ATXN10: variants seen among roughly 807,000 people sequenced by gnomAD.
ATXN10 encodes ataxin-10.
Under a neutral mutation model 52.9 loss-of-function variants are expected in ATXN10, and 28 were observed. The observed-to-expected ratio is 0.53, with a 90% CI of 0.39 to 0.73. The LOEUF is 0.73. ATXN10 is among the 30% of genes least tolerant of loss of function. The probability of loss-of-function intolerance (pLI) is 0.00; values close to 1 mark genes in which losing one functional copy is unlikely to be tolerated. For synonymous variants in ATXN10, 226 were observed against 221.5 expected (o/e 1.02, Z -0.18); for missense variants, 565 against 577.0 (o/e 0.98, Z 0.21).
rs533301284 is a variant in ATXN10, at chr22:45,835,281, T to G, written c.1238-7710T>G. 6.6e-6 allele frequency among the ~76,000 whole-genome samples: 1 copy of G among 152,286 alleles called. No individual in the cohort carries two copies. Among genetic ancestry groups the G allele is most frequent in the South Asian group, 2.1e-4 (1 of 4,824 alleles). ...TCCTGCTTTGCCTGGCGCGGGCGCT[T>G]GAGCTTTCACATCTGGGACTGGTGA... is the stretch of plus-strand genomic sequence containing the variant. On this transcript the variant is annotated intron_variant, in intron 10 of 11. Coordinates refer to ENST00000252934, the MANE Select transcript of ATXN10 (RefSeq NM_013236.4). The surrounding 1 kb of genome is among the most constrained non-coding windows in gnomAD (Gnocchi z 5.0).
intron 6 of ATXN10, among the ~76,000 whole-genome samples, chr22:45,721,322 G>A (rs6007146): frequency 0.024 from 3,707 of 152,196 alleles, 138 homozygotes; most frequent in African/African-American, 0.085. Flanking sequence ...TCTGTGTACG[G>A]CATAGTAGTT....
In ATXN10 at chr22:45,820,751, C is replaced by T. The variant is rs966027509; in HGVS notation, c.1237+13729C>T. Among the ~76,000 whole-genome samples the T allele has an allele frequency of 6.6e-6, 1 of 152,162 alleles. No individual in the cohort carries two copies. Among genetic ancestry groups the T allele is most frequent in the Non-Finnish European group, 1.5e-5 (1 of 68,030 alleles). On this transcript the variant is annotated intron_variant, in intron 10 of 11. Transcript: ENST00000252934. This position sits in a 1 kb window ranked among gnomAD's most constrained non-coding sequence, Gnocchi z 4.9. Reference sequence around the variant, plus strand: ...CATTGCCAGGGTGGTTTGCTTACCCCGGCCATCCCAACAATGGTGGTTGGT... The same window carrying T: ...CATTGCCAGGGTGGTTTGCTTACCCTGGCCATCCCAACAATGGTGGTTGGT...
Position 45,772,503 on chromosome 22 carries a change from T to C in ATXN10, c.1173+31965T>C, listed in dbSNP as rs1490008947. 6.6e-6 allele frequency among the ~76,000 whole-genome samples: 1 copy of C among 152,252 alleles called. No individual in the cohort carries two copies. The highest frequency in any genetic ancestry group is 1.5e-5 in the Non-Finnish European group (1 of 68,052). ...ATTTACAGTAAATCTTAAAATTGGG[T>C]AGTGTGATTCATCCAACTTTATTTT... is the stretch of plus-strand genomic sequence containing the variant. On this transcript the variant is annotated intron_variant, in intron 9 of 11. Transcript: ENST00000252934. The surrounding 1 kb of genome is among the most constrained non-coding windows in gnomAD (Gnocchi z 4.1).
chr22:45,724,423 A>G (rs1055069609), intron 6 of ATXN10, among the ~76,000 whole-genome samples: 1 of 152,124 alleles, frequency 6.6e-6, no homozygotes, highest in Admixed American at 6.5e-5. Flanking sequence ...ATGACTAGTG[A>G]TGGTGAGCAT....
chr22:45,694,955 AAAAAAAAAAAAC>A (rs1569025841), intron 3 of ATXN10, among the ~76,000 whole-genome samples: 1 of 150,724 alleles, frequency 6.6e-6, no homozygotes, highest in African/African-American at 2.4e-5. Flanking sequence ...AAAAAAAAAA[AAAAAAAAAAAAC>A]AAAACCCCAG....
At chr22:45,689,312 A>G (rs912948509) in intron 1 of ATXN10, among the ~76,000 whole-genome samples, 2 of 152,224 alleles carry the variant, frequency 1.3e-5, no homozygotes, top group African/African-American at 4.8e-5. Context: ...ATGAGCAGTC[A>G]CTGGAACTGG....
rs575716712 is a variant in ATXN10 at position 45,712,869 on chromosome 22, T to C, written c.648-5544T>C. On this transcript the variant is annotated intron_variant, in intron 5 of 11. Coordinates refer to ENST00000252934, the MANE Select transcript of ATXN10 (RefSeq NM_013236.4). This position sits in a 1 kb window ranked among gnomAD's most constrained non-coding sequence, Gnocchi z 4.6. ...CCAGCTTTGTAAGCTTTGTCCAAAT[T>C]GCTGTGTTAAGCAACTGTGGGTTAG... is the stretch of plus-strand genomic sequence containing the variant. Among the ~76,000 whole-genome samples, 54 of 152,326 alleles carry C rather than the reference T, an allele frequency of 3.5e-4. No homozygotes were observed. The highest frequency in any genetic ancestry group is 1.5e-3 in the South Asian group (7 of 4,820).
chr22:45,750,716 A>G lies in ATXN10; in HGVS notation c.1173+10178A>G, dbSNP rs1375365128. On this transcript the variant is annotated intron_variant, in intron 9 of 11. Transcript: ENST00000252934. The surrounding 1 kb of genome is among the most constrained non-coding windows in gnomAD (Gnocchi z 4.2). The stretch of plus-strand genomic sequence containing the variant: ...TAAAATAATCAAAACAATTTACAAA[A>G]GTTTATAGGTTAGTGGAGGCAGACA... Among the ~76,000 whole-genome samples, 1 of 152,234 alleles carries G rather than the reference A, an allele frequency of 6.6e-6. No individual in the cohort carries two copies. The highest frequency in any genetic ancestry group is 2.4e-5 in the African/African-American group (1 of 41,466).
chr22:45,730,472 C>T (rs1925047357), intron 7 of ATXN10, among the ~76,000 whole-genome samples: 1 of 152,048 alleles, frequency 6.6e-6, no homozygotes, highest in Non-Finnish European at 1.5e-5. Flanking sequence ...CTTGCTCTGT[C>T]GCCCAAGCTG....
At position 45,691,384 on chromosome 22, in the gene ATXN10, G is replaced by T. The variant is rs555626273; in HGVS notation, c.308+1481G>T. On this transcript the variant is annotated intron_variant, in intron 2 of 11. Transcript: ENST00000252934. Reference sequence around the variant, plus strand: ...TTCGGCATTGGGCTTTGTCCCAAGGGTTTTGCTTGTAGTATCTTCTTTAAT... The same window carrying T: ...TTCGGCATTGGGCTTTGTCCCAAGGTTTTTGCTTGTAGTATCTTCTTTAAT... Among the ~76,000 whole-genome samples, 11 of 152,364 alleles carry T rather than the reference G, an allele frequency of 7.2e-5. No individual in the cohort carries two copies. The South Asian group carries it at 2.3e-3, about 32-fold the overall frequency.
chr22:45,671,882 C>T lies in ATXN10; in HGVS notation c.-182C>T. 3.1e-6 allele frequency: 2 copies of T among 637,290 alleles called. No homozygotes were observed. Among genetic ancestry groups the T allele is most frequent in the Non-Finnish European group, 5.1e-6 (2 of 390,210 alleles). 39.5% of individuals were successfully genotyped at this position (637,290 alleles called of 1,614,324 possible). On this transcript the variant is annotated 5_prime_UTR_variant, in exon 1 of 12. Transcript: ENST00000252934. ...GCGAGTCTGGGCTCAGCCTAGAGCT[C>T]TCCGGCGGCGGCGCAGCTTCAGGGC...
At chr22:45,697,668 C>T (rs1340855881) in intron 3 of ATXN10, among the ~76,000 whole-genome samples, 9 of 151,666 alleles carry the variant, frequency 5.9e-5, no homozygotes, top group Admixed American at 2.6e-4. Context: ...GTCTCGCTGT[C>T]GCCCAGGCTG....
chr22:45,807,756 A>C (rs982479479), intron 10 of ATXN10, among the ~76,000 whole-genome samples: 1 of 152,212 alleles, frequency 6.6e-6, no homozygotes, highest in African/African-American at 2.4e-5. Flanking sequence ...CCCTGGTGAA[A>C]GCCAAACTTA....
intron 7 of ATXN10, among the ~76,000 whole-genome samples, chr22:45,737,947 C>T (rs949044249): frequency 6.6e-6 from 1 of 152,172 alleles, no homozygotes; most frequent in Non-Finnish European, 1.5e-5. Flanking sequence ...AAGTGATCTT[C>T]TGGCCTCGGC....
At chr22:45,822,700 T>G (rs1170513308) in intron 10 of ATXN10, among the ~76,000 whole-genome samples, 1 of 151,916 alleles carries the variant, frequency 6.6e-6, no homozygotes, top group Non-Finnish European at 1.5e-5. Context: ...CTGGCTAATT[T>G]TTGTAGAGAT....
chr22:45,763,388 C>A lies in ATXN10; in HGVS notation c.1173+22850C>A, dbSNP rs531532548. Among the ~76,000 whole-genome samples the A allele has an allele frequency of 1.3e-5, 2 of 152,320 alleles. No individual in the cohort carries two copies. The highest frequency in any genetic ancestry group is 4.8e-5 in the African/African-American group (2 of 41,562). Reference sequence around the variant, plus strand: ...CAAGGTTACGAAAGGCCTTTGAGTTCAAGCTGAGGCCTTTGGACTTGGCCC... The same window carrying A: ...CAAGGTTACGAAAGGCCTTTGAGTTAAAGCTGAGGCCTTTGGACTTGGCCC... On this transcript the variant is annotated intron_variant, in intron 9 of 11. Coordinates refer to ENST00000252934, the MANE Select transcript of ATXN10 (RefSeq NM_013236.4). The surrounding 1 kb of genome is among the most constrained non-coding windows in gnomAD (Gnocchi z 6.9).
chr22:45,695,377 A>G (rs979381158), intron 3 of ATXN10, among the ~76,000 whole-genome samples: 5 of 152,140 alleles, frequency 3.3e-5, no homozygotes, highest in South Asian at 2.1e-4. Flanking sequence ...TTATAATTCA[A>G]TGAATATAAC....
rs941496878 is a variant in ATXN10 at position 45,684,066 on chromosome 22, A to G, written c.117-5646A>G. On this transcript the variant is annotated intron_variant, in intron 1 of 11. Coordinates refer to ENST00000252934, the MANE Select transcript of ATXN10 (RefSeq NM_013236.4). The surrounding 1 kb of genome is among the most constrained non-coding windows in gnomAD (Gnocchi z 4.1). ...TCCTGGGTTCAAGCAGTCCTTCTGC[A>G]TCAGGCTCCCAAGTAGCTGGGACTA... Among the ~76,000 whole-genome samples the G allele has an allele frequency of 6.6e-6, 1 of 152,048 alleles. No homozygotes were observed. The highest frequency in any genetic ancestry group is 1.5e-5 in the Non-Finnish European group (1 of 68,012).
chr22:45,837,034 A>G lies in ATXN10; in HGVS notation c.1238-5957A>G, dbSNP rs900099771. On this transcript the variant is annotated intron_variant, in intron 10 of 11. Coordinates refer to ENST00000252934, the MANE Select transcript of ATXN10 (RefSeq NM_013236.4). This position sits in a 1 kb window ranked among gnomAD's most constrained non-coding sequence, Gnocchi z 5.8. The stretch of plus-strand genomic sequence containing the variant: ...ACTTTGGAAAGCCCTGCAGCACACA[A>G]ATCCCTTGCCTTCATGGGTTTGTTA... Among the ~76,000 whole-genome samples, 12 of 152,194 alleles carry G rather than the reference A, an allele frequency of 7.9e-5. 1 individual carries two copies.
Sources: allele counts gnomAD v4.1 joint callset (sites outside exome capture counted in the v4.1 genomes callset), GRCh38; gene constraint gnomAD v4.1.1; non-coding constraint Gnocchi (gnomAD v3.1); transcripts MANE v1.5; gene names NCBI Gene and HGNC (gene_info 2026-07-23, HGNC 2026-07-21).